Variants in OPA1 observed in about 807,000 individuals in gnomAD.
OPA1 encodes OPA1 mitochondrial dynamin like GTPase.
OPA1 carries 59 observed loss-of-function variants against 152.9 expected under a neutral mutation model. The observed-to-expected ratio is 0.39, with a 90% CI of 0.31 to 0.48. OPA1 has a LOEUF of 0.48. Among genes scored for constraint, OPA1 ranks in the 20% least tolerant of loss-of-function variants. OPA1 has a pLI of 0.96. For missense variants in OPA1, 1,008 were observed against 1,216.8 expected, an observed-to-expected ratio of 0.83 and a Z score of 2.55; for synonymous variants, 400 against 389.9, an observed-to-expected ratio of 1.03 and a Z score of -0.31.
chr3:193,671,186 G>A (rs1045699162), intron 29 of OPA1, among the ~76,000 whole-genome samples: 1 of 152,180 alleles, frequency 6.6e-6, no homozygotes, highest in African/African-American at 2.4e-5. Flanking sequence ...ACTTTACAGT[G>A]GATGAAGCCT....
intron 1 of OPA1, among the ~76,000 whole-genome samples, chr3:193,604,038 TTAA>T (rs1373801028): frequency 3.9e-5 from 6 of 152,186 alleles, no homozygotes; most frequent in African/African-American, 1.4e-4. Flanking sequence ...TGATTGGAAT[TTAA>T]TAGACTTTCC....
intron 29 of OPA1, among the ~76,000 whole-genome samples, chr3:193,673,634 A>T (rs1718396885): frequency 6.6e-6 from 1 of 152,238 alleles, no homozygotes; most frequent in African/African-American, 2.4e-5. Flanking sequence ...TTAATTGAGC[A>T]TAATGGTGGC....
At chr3:193,662,674 GTTCT>G (rs1474785934) in intron 25 of OPA1, 144 bp from the exon 26 acceptor site, 4 of 703,044 alleles carry the variant, frequency 5.7e-6, no homozygotes, top group Non-Finnish European at 9.6e-6. Flanking sequence ...GGGGTGCTGT[GTTCT>G]TTCTTGTGTT....
At chr3:193,597,707 A>T (rs1309637447) in intron 1 of OPA1, among the ~76,000 whole-genome samples, 1 of 151,652 alleles carries the variant, frequency 6.6e-6, no homozygotes, top group African/African-American at 2.4e-5. Flanking sequence ...AAAAAAAAAA[A>T]AAGAAATGGA....
chr3:193,680,421 A>G (rs200300606), intron 29 of OPA1, among the ~76,000 whole-genome samples: 1 of 152,206 alleles, frequency 6.6e-6, no homozygotes, highest in Non-Finnish European at 1.5e-5. Context: ...ATGCAGTTAC[A>G]ATCTTGACCT....
intron 3 of OPA1, among the ~76,000 whole-genome samples, chr3:193,616,370 C>T (rs746671861): frequency 4.0e-5 from 6 of 151,872 alleles, no homozygotes; most frequent in African/African-American, 1.4e-4. Context: ...TATTTTAGTT[C>T]CCTTTTTAAA....
intron 29 of OPA1, chr3:193,688,924 T>C (rs1275568369): frequency 6.6e-6 from 1 of 152,220 alleles, no homozygotes; most frequent in Non-Finnish European, 1.5e-5. Flanking sequence ...AGGTCGAGGC[T>C]GTAGTGAGCC....
intron 29 of OPA1, 154 bp from the exon 30 acceptor site, chr3:193,691,909 C>G (rs933102498): frequency 5.1e-6 from 3 of 588,444 alleles, no homozygotes; most frequent in Non-Finnish European, 9.3e-6. Flanking sequence ...TATAATCCAT[C>G]TGGACTTTAT....
chr3:193,634,926 A>G (rs906285298), intron 8 of OPA1, among the ~76,000 whole-genome samples: 10 of 152,124 alleles, frequency 6.6e-5, no homozygotes, highest in African/African-American at 2.4e-4. Flanking sequence ...ATGCGTTTGC[A>G]CCACTTACTA....
Position 193,593,263 on chromosome 3 carries a change from C to A in OPA1, c.-115C>A. On this transcript the variant is annotated 5_prime_UTR_variant, in exon 1 of 31. Coordinates refer to ENST00000361510, the MANE Select transcript of OPA1 (RefSeq NM_130837.3). ...GAGGGCCTCGGCCGCGGCTCTGTGC[C>A]CTTGCTGCTGAGGGCCACTTCCTGG... 1 of 1,086,404 alleles carries A rather than the reference C, an allele frequency of 9.2e-7. No homozygotes were observed. The highest frequency in any genetic ancestry group is 1.3e-6 in the Non-Finnish European group (1 of 780,944). 67.3% of individuals were successfully genotyped at this position (1,086,404 alleles called of 1,614,324 possible). A position where few individuals can be genotyped will look rare whatever the true frequency, so the allele number is the denominator to read the frequency against.
chr3:193,630,746 A>T (rs1297261527), intron 7 of OPA1, among the ~76,000 whole-genome samples: 1 of 152,222 alleles, frequency 6.6e-6, no homozygotes, highest in Non-Finnish European at 1.5e-5. Context: ...CTTACCAAGA[A>T]GTCAAAGCAC....
chr3:193,680,865 AAAC>A (rs1463161182), intron 29 of OPA1, among the ~76,000 whole-genome samples: 1 of 152,182 alleles, frequency 6.6e-6, no homozygotes, highest in Admixed American at 6.5e-5. Context: ...TTTTTTGAGA[AAAC>A]AAAGCCATGT....
chr3:193,604,619 G>A lies in OPA1; in HGVS notation c.33-10104G>A, dbSNP rs1309003875. Among the ~76,000 whole-genome samples the A allele has an allele frequency of 2.0e-5, 3 of 152,146 alleles. No homozygotes were observed. The East Asian group carries it at 5.8e-4, about 29-fold the overall frequency. On this transcript the variant is annotated intron_variant, in intron 1 of 30. Coordinates refer to ENST00000361510, the MANE Select transcript of OPA1 (RefSeq NM_130837.3). ...CTAACGCCTGTAATCCCAGCACTTT[G>A]GGAGGCTGAGGCAGGCGGATCACCT...
intron 1 of OPA1, among the ~76,000 whole-genome samples, chr3:193,598,337 C>T (rs914123123): frequency 1.3e-5 from 2 of 152,100 alleles, no homozygotes; most frequent in African/African-American, 4.8e-5. Flanking sequence ...GCAAGGTCAT[C>T]TACTGAGAGT....
chr3:193,648,396 G>A (rs907345174), intron 20 of OPA1: 3 of 415,278 alleles, frequency 7.2e-6, no homozygotes, highest in African/African-American at 4.0e-5. Context: ...GTGCTTTAAA[G>A]GTTTTGTAGA....
chr3:193,600,151 G>A (rs975221870), intron 1 of OPA1, among the ~76,000 whole-genome samples: 3 of 152,188 alleles, frequency 2.0e-5, no homozygotes, highest in African/African-American at 7.2e-5. Flanking sequence ...GCCATATTTA[G>A]TTCGCTTTAA....
rs539316415 is a variant in OPA1 at position 193,692,521 on chromosome 3, G to C, written c.*5+389G>C. On this transcript the variant is annotated intron_variant, in intron 30 of 30. Transcript: ENST00000361510. ...AAATATTTAACTTAGAAAGTTTTCT[G>C]TTTGACTTAATTAAAATTTTAATAA... Among the ~76,000 whole-genome samples, 8 of 152,208 alleles carry C rather than the reference G, an allele frequency of 5.3e-5. No homozygotes were observed. The East Asian group carries it at 1.5e-3, about 29-fold the overall frequency.
At chr3:193,689,860 C>T (rs866214962) in intron 29 of OPA1, among the ~76,000 whole-genome samples, 6 of 152,024 alleles carry the variant, frequency 3.9e-5, no homozygotes, top group African/African-American at 7.2e-5. Flanking sequence ...TTGAGATTCC[C>T]GTGTGTTGTG....
chr3:193,666,215 G>T lies in OPA1; in HGVS notation c.2779-81G>T. 1.7e-6 allele frequency: 2 copies of T among 1,155,554 alleles called. 1 individual carries two copies. Among genetic ancestry groups the T allele is most frequent in the South Asian group, 2.5e-5 (2 of 80,796 alleles). The allele number at this position is 1,155,554 out of a possible 1,614,324, so 71.6% of individuals were successfully genotyped here. ...TTTTAAGCTTAGGACATATCTACTGGTTCTAGTAGTTGTATGTGTTTACGA... is the reference window on the plus strand; with the variant it reads ...TTTTAAGCTTAGGACATATCTACTGTTTCTAGTAGTTGTATGTGTTTACGA... On this transcript the variant is annotated intron_variant, in intron 27 of 30. Coordinates refer to ENST00000361510, the MANE Select transcript of OPA1 (RefSeq NM_130837.3).
Sources: gnomAD v4.1 joint callset for allele counts (sites outside exome capture counted in the v4.1 genomes callset) on GRCh38, gnomAD v4.1.1 for gene constraint, MANE v1.5 for transcripts, NCBI Gene and HGNC (gene_info 2026-07-23, HGNC 2026-07-21) for gene names.